The following AEBP2 variants were observed in gnomAD, a reference collection of about 807,000 sequenced individuals.
AEBP2 encodes the protein AE binding protein 2, also known as zinc finger protein AEBP2.
A neutral mutation model predicts 50.8 loss-of-function variants in AEBP2; 10 were observed. The observed-to-expected ratio is 0.20, with a 90% CI of 0.12 to 0.33. The LOEUF is 0.33. Among genes scored for constraint, AEBP2 ranks in the 10% least tolerant of loss-of-function variants. AEBP2 has a pLI of 1.00. For synonymous variants in AEBP2, 296 were observed against 261.3 expected (o/e 1.13, Z -1.28); for missense variants, 570 against 688.0 (o/e 0.83, Z 1.92).
upstream of AEBP2, among the ~76,000 whole-genome samples, chr12:19,437,691 T>C (rs1947874459): frequency 6.6e-6 from 1 of 152,248 alleles, no homozygotes; most frequent in Admixed American, 6.5e-5. Context: ...CTTTAATACA[T>C]TCCTTATCTA....
intron 1 of AEBP2, among the ~76,000 whole-genome samples, chr12:19,415,228 C>T (rs1387779615): frequency 1.8e-4 from 25 of 140,750 alleles, no homozygotes; most frequent in South Asian, 9.5e-4. Context: ...GTGGGAGAAT[C>T]GCTTGAGCTG....
At chr12:19,465,637 C>T (rs1179064926) in intron 2 of AEBP2, among the ~76,000 whole-genome samples, 1 of 151,890 alleles carries the variant, frequency 6.6e-6, no homozygotes, top group Non-Finnish European at 1.5e-5. Context: ...AGCGATCTGC[C>T]CGCCTTGGCC....
rs73339318 is a variant in AEBP2 at position 19,483,202 on chromosome 12, T to C, written c.987+9847T>C. 4.1e-3 allele frequency among the ~76,000 whole-genome samples: 628 copies of C among 152,268 alleles called. 8 individuals are homozygous for C. The highest frequency in any genetic ancestry group is 0.014 in the African/African-American group (594 of 41,548). On this transcript the variant is annotated intron_variant, in intron 3 of 7. Transcript: ENST00000266508. ...CTTCTGCTAGTACCCTTGTGAGATA[T>C]AGTCGGGGATGGCTTCCCTGGGCTC...
chr12:19,518,151 G>C lies in AEBP2; in HGVS notation c.*34G>C, dbSNP rs973907630. 1.3e-5 allele frequency: 20 copies of C among 1,579,624 alleles called. No homozygotes were observed. Among genetic ancestry groups the C allele is most frequent in the Middle Eastern group, 1.7e-4 (1 of 6,006 alleles). The stretch of plus-strand genomic sequence containing the variant: ...TAAATACATAAAAAGCAAACAAGCG[G>C]GGACACCTGCAGTCTTAGTCACTGA... On this transcript the variant is annotated 3_prime_UTR_variant, in exon 8 of 8. Coordinates refer to ENST00000266508, the MANE Select transcript of AEBP2 (RefSeq NM_153207.5).
intron 1 of AEBP2, among the ~76,000 whole-genome samples, chr12:19,434,394 A>G (rs866599313): frequency 6.6e-6 from 1 of 151,392 alleles, no homozygotes. Flanking sequence ...GCTGGTCTTG[A>G]ACTCCCGACC....
chr12:19,431,427 T>C (rs1389707363), intron 1 of AEBP2, among the ~76,000 whole-genome samples: 2 of 152,212 alleles, frequency 1.3e-5, no homozygotes, highest in South Asian at 2.1e-4. Context: ...ATGAAGTTTT[T>C]TGGCAAGTCA....
chr12:19,490,066 C>T lies in AEBP2; in HGVS notation c.988-3734C>T, dbSNP rs191662675. Among the ~76,000 whole-genome samples the T allele has an allele frequency of 1.0e-4, 13 of 125,070 alleles. No individual in the cohort carries two copies. The Admixed American group carries it at 1.2e-3, about 12-fold the overall frequency. The allele number at this position is 125,070 out of a possible 152,430, so 82.1% of individuals were successfully genotyped here. On this transcript the variant is annotated intron_variant, in intron 3 of 7. Coordinates refer to ENST00000266508, the MANE Select transcript of AEBP2 (RefSeq NM_153207.5). ...CTCCCTTTTTTGCCCAGGCTAGTCTCAAACTCCTGGGCTCAAGTGATTTTC... is the reference window on the plus strand; with the variant it reads ...CTCCCTTTTTTGCCCAGGCTAGTCTTAAACTCCTGGGCTCAAGTGATTTTC...
intron 1 of AEBP2, among the ~76,000 whole-genome samples, chr12:19,450,511 C>T (rs565464712): frequency 9.1e-5 from 13 of 142,702 alleles, no homozygotes; most frequent in African/African-American, 3.2e-4. Flanking sequence ...TTGTGTGCTA[C>T]ACTAGATAAA....
At chr12:19,407,267 C>T (rs2095736797) in intron 1 of AEBP2, among the ~76,000 whole-genome samples, 3 of 152,066 alleles carry the variant, frequency 2.0e-5, no homozygotes, top group Admixed American at 1.3e-4. Context: ...TACCGCTGCA[C>T]TTCAGCTCGG....
Position 19,462,490 on chromosome 12 carries a change from C to G in AEBP2, c.672-20C>G, listed in dbSNP as rs1387009692. 6.3e-7 allele frequency: 1 copy of G among 1,577,444 alleles called. No individual in the cohort carries two copies. Among genetic ancestry groups the G allele is most frequent in the African/African-American group, 1.3e-5 (1 of 74,156 alleles). On this transcript the variant is annotated intron_variant, in intron 1 of 7. Coordinates refer to ENST00000266508, the MANE Select transcript of AEBP2 (RefSeq NM_153207.5). ...TAGTGAATTTCTAGGAATAACACAG[C>G]CTTTTTTCTTCTTTTGTAGCATAAG...
chr12:19,512,315 C>A, intron 5 of AEBP2, 83 bp from the exon 6 acceptor site: 1 of 956,694 alleles, frequency 1.0e-6, no homozygotes, highest in Non-Finnish European at 1.5e-6. Context: ...CCATCGCGCC[C>A]AGCCCCAAAA....
chr12:19,450,118 G>A lies in AEBP2; in HGVS notation c.671+9748G>A, dbSNP rs537131457. Among the ~76,000 whole-genome samples the A allele has an allele frequency of 1.5e-4, 23 of 152,266 alleles. 1 individual carries two copies. The South Asian group carries it at 4.2e-3, about 27-fold the overall frequency. Reference sequence around the variant, plus strand: ...GCAGTTTTGAAAGCAAAATCAGGTAGCCTTACAGAATCTGATGTGTCTAAA... The same window carrying A: ...GCAGTTTTGAAAGCAAAATCAGGTAACCTTACAGAATCTGATGTGTCTAAA... On this transcript the variant is annotated intron_variant, in intron 1 of 7. Coordinates refer to ENST00000266508, the MANE Select transcript of AEBP2 (RefSeq NM_153207.5).
At chr12:19,495,222 C>A (rs374538745) in intron 4 of AEBP2, among the ~76,000 whole-genome samples, 13 of 152,226 alleles carry the variant, frequency 8.5e-5, no homozygotes, top group East Asian at 3.9e-4. Context: ...GTTTTAACTA[C>A]ATATCCTCAA....
At chr12:19,459,773 G>T (rs549760070) in intron 1 of AEBP2, among the ~76,000 whole-genome samples, 2 of 152,286 alleles carry the variant, frequency 1.3e-5, no homozygotes, top group South Asian at 4.1e-4. Flanking sequence ...AACTAACTAG[G>T]TAGGTAGATA....
intron 3 of AEBP2, among the ~76,000 whole-genome samples, chr12:19,488,580 T>G (rs545346437): frequency 4.6e-5 from 7 of 151,920 alleles, no homozygotes; most frequent in East Asian, 3.9e-4. Context: ...TTAGATCGCC[T>G]CCTCATTATT....
intron 3 of AEBP2, among the ~76,000 whole-genome samples, chr12:19,481,337 A>G (rs964327164): frequency 6.6e-6 from 1 of 151,822 alleles, no homozygotes; most frequent in Admixed American, 6.6e-5. Context: ...TGCTGACCTC[A>G]GGTGATCCAC....
At chr12:19,449,107 A>G (rs1238983729) in intron 1 of AEBP2, among the ~76,000 whole-genome samples, 2 of 152,222 alleles carry the variant, frequency 1.3e-5, no homozygotes, top group Non-Finnish European at 2.9e-5. Context: ...TCAGTCAAGA[A>G]TGACAGTAGT....
intron 1 of AEBP2, among the ~76,000 whole-genome samples, chr12:19,416,121 A>C (rs921318371): frequency 6.6e-6 from 1 of 152,186 alleles, no homozygotes; most frequent in African/African-American, 2.4e-5. Context: ...GGTCAAGGCC[A>C]CAGTGAGCCA....
chr12:19,457,171 A>C, intron 1 of AEBP2: 1 of 1,597,730 alleles, frequency 6.3e-7, no homozygotes. Context: ...AGTGGAATCC[A>C]TTTTGTTAAC....
Sources: gnomAD v4.1 joint callset for allele counts (sites outside exome capture counted in the v4.1 genomes callset) on GRCh38, gnomAD v4.1.1 for gene constraint, MANE v1.5 for transcripts, NCBI Gene and HGNC (gene_info 2026-07-23, HGNC 2026-07-21) for gene names.